Variants in ARF4 observed in about 807,000 individuals in gnomAD.
ARF4 encodes ARF GTPase 4.
ARF4 carries 5 observed loss-of-function variants against 24.3 expected under a neutral mutation model. The ratio of observed to expected loss-of-function variants is 0.21; its 90% confidence interval spans 0.11 to 0.43. The LOEUF (loss-of-function observed/expected upper bound fraction) is 0.43, where lower values mean the gene tolerates loss of function less well. ARF4 is among the 20% of genes least tolerant of loss of function. ARF4 has a pLI of 1.00. For synonymous variants in ARF4, 62 were observed against 73.5 expected (o/e 0.84, Z 0.80); for missense variants, 107 against 213.0 (o/e 0.50, Z 3.10).
chr3:57,596,007 T>C lies in ARF4; in HGVS notation c.67+1067A>G, dbSNP rs986692935. 2.0e-5 allele frequency among the ~76,000 whole-genome samples: 3 copies of C among 151,740 alleles called. No homozygotes were observed. The South Asian group carries it at 6.2e-4, about 31-fold the overall frequency. ...CCTCCTCCGGTAGAAAACAAGCTAA[T>C]GAACCAACAAGTTTCAACGTTCAAA... On this transcript the variant is annotated intron_variant, in intron 1 of 5. Coordinates refer to ENST00000303436, the MANE Select transcript of ARF4 (RefSeq NM_001660.4).
At chr3:57,577,753 C>T (rs557407411) in intron 3 of ARF4, among the ~76,000 whole-genome samples, 6 of 152,040 alleles carry the variant, frequency 3.9e-5, no homozygotes, top group Non-Finnish European at 8.8e-5. Context: ...CCTAAAGAAT[C>T]GTGAATTTGG....
intron 5 of ARF4, among the ~76,000 whole-genome samples, chr3:57,572,832 ACTACCCAT>A (rs1396958019): frequency 6.6e-6 from 1 of 152,200 alleles, no homozygotes; most frequent in Non-Finnish European, 1.5e-5. Flanking sequence ...TAACTAATAA[ACTACCCAT>A]CTGGTTTTTA....
chr3:57,580,509 C>A (rs977131500), intron 3 of ARF4, among the ~76,000 whole-genome samples: 1 of 152,140 alleles, frequency 6.6e-6, no homozygotes, highest in Non-Finnish European at 1.5e-5. Flanking sequence ...TCAGGTGATC[C>A]TCCCACCTCA....
intron 3 of ARF4, among the ~76,000 whole-genome samples, chr3:57,578,449 A>G (rs563750766): frequency 7.9e-6 from 1 of 126,342 alleles, no homozygotes; most frequent in African/African-American, 2.8e-5. Flanking sequence ...ATTCTTTAAA[A>G]AAAGGAAGGT....
At chr3:57,582,062 G>A (rs986137811) in intron 3 of ARF4, among the ~76,000 whole-genome samples, 2 of 152,152 alleles carry the variant, frequency 1.3e-5, no homozygotes, top group African/African-American at 2.4e-5. Flanking sequence ...TGGGTACAAT[G>A]CAAATATTCC....
chr3:57,591,976 T>A, intron 1 of ARF4, among the ~76,000 whole-genome samples: 1 of 152,186 alleles, frequency 6.6e-6, no homozygotes, highest in Non-Finnish European at 1.5e-5. Flanking sequence ...AATTAGACAA[T>A]GGTGATGGTT....
At chr3:57,579,117 ATC>A (rs958802325) in intron 3 of ARF4, among the ~76,000 whole-genome samples, 1 of 151,678 alleles carries the variant, frequency 6.6e-6, no homozygotes, top group African/African-American at 2.4e-5. Flanking sequence ...GTGAAACCCC[ATC>A]TCTACTAAAA....
rs1189383278 is a variant in ARF4 at position 57,583,901 on chromosome 3, G to A, written c.255C>T (p.Thr85=). 3.4e-5 allele frequency: 54 copies of A among 1,587,082 alleles called. No homozygotes were observed. Among genetic ancestry groups the A allele is most frequent in the Non-Finnish European group, 4.4e-5 (51 of 1,158,878 alleles). The change falls in exon 3 of 6, where the codon ACC becomes ACT. Residue 85 remains threonine (T), a synonymous_variant. Transcript: ENST00000303436. The stretch of plus-strand genomic sequence containing the variant: ...AAAAACATACAGTATCCCTTACCTG[G>A]GTATTCTGGAAGTAATGCTTCCAGA... ...RPLWKHYFQN[T]QGLIFVVDSN...
At chr3:57,588,809 T>C (rs2070069225) in intron 1 of ARF4, among the ~76,000 whole-genome samples, 1 of 143,834 alleles carries the variant, frequency 7.0e-6, no homozygotes. Flanking sequence ...ATACAAAAAT[T>C]AGCCAGGTGT....
chr3:57,596,963 C>G, intron 1 of ARF4, 111 bp downstream of exon 1: 1 of 1,199,100 alleles, frequency 8.3e-7, no homozygotes, highest in African/African-American at 1.6e-5. Context: ...CCCGACCCGG[C>G]GCCCCTCCCC....
intron 5 of ARF4, 86 bp from the exon 6 acceptor site, chr3:57,572,384 TC>T (rs2069851840): frequency 1.0e-6 from 1 of 996,904 alleles, no homozygotes; most frequent in Non-Finnish European, 1.6e-6. Flanking sequence ...AACTTAAGAG[TC>T]TTTTCACACC....
At chr3:57,590,089 C>CAATAAATAAATAAATA (rs71088095) in intron 1 of ARF4, among the ~76,000 whole-genome samples, 10 of 135,206 alleles carry the variant, frequency 7.4e-5, no homozygotes, top group East Asian at 2.2e-4. Context: ...GACTCTGTCT[C>CAATAAATAAATAAATA]AATAAATAAA....
intron 1 of ARF4, among the ~76,000 whole-genome samples, chr3:57,586,650 T>A (rs1256132866): frequency 1.3e-5 from 2 of 152,094 alleles, no homozygotes; most frequent in African/African-American, 4.8e-5. Flanking sequence ...ATGAGCATAA[T>A]AATAAAAACC....
chr3:57,594,346 C>A (rs1335901666), intron 1 of ARF4, among the ~76,000 whole-genome samples: 2 of 152,128 alleles, frequency 1.3e-5, no homozygotes, highest in African/African-American at 4.8e-5. Context: ...ACCTGGCCTC[C>A]CAAAGTGCTG....
chr3:57,573,059 G>A (rs553727780), intron 5 of ARF4, among the ~76,000 whole-genome samples: 74 of 151,986 alleles, frequency 4.9e-4, no homozygotes, highest in African/African-American at 1.5e-3. Context: ...AAAATTAGCC[G>A]GGCGTGGTGG....
chr3:57,596,540 C>G (rs777627991), intron 1 of ARF4: 3 of 152,786 alleles, frequency 2.0e-5, no homozygotes, highest in African/African-American at 7.2e-5. Context: ...CTTCGGAAAC[C>G]TTGGGTGCTC....
intron 3 of ARF4, among the ~76,000 whole-genome samples, chr3:57,579,773 C>A (rs1258929357): frequency 6.6e-6 from 1 of 152,090 alleles, no homozygotes; most frequent in Admixed American, 6.6e-5. Flanking sequence ...TACACTGCAT[C>A]TATACCACCT....
intron 1 of ARF4, among the ~76,000 whole-genome samples, chr3:57,593,166 C>T (rs563511672): frequency 6.6e-6 from 1 of 152,214 alleles, no homozygotes; most frequent in South Asian, 2.1e-4. Context: ...ATCATGCCAC[C>T]TGTATGTGCC....
intron 4 of ARF4, among the ~76,000 whole-genome samples, chr3:57,576,587 A>G (rs1421893931): frequency 1.3e-5 from 2 of 149,682 alleles, no homozygotes; most frequent in African/African-American, 4.9e-5. Flanking sequence ...TTAGTTACAC[A>G]TATACTGGCA....
Sources: allele counts gnomAD v4.1 joint callset (sites outside exome capture counted in the v4.1 genomes callset), GRCh38; gene constraint gnomAD v4.1.1; transcripts MANE v1.5; gene names NCBI Gene and HGNC (gene_info 2026-07-23, HGNC 2026-07-21).